Variants in FARS2 observed in about 807,000 individuals in gnomAD.
FARS2 encodes the protein phenylalanine--tRNA ligase, mitochondrial.
Under a neutral mutation model 46.4 loss-of-function variants are expected in FARS2, and 40 were observed. The ratio of observed to expected loss-of-function variants is 0.86; its 90% CI spans 0.67 to 1.12. The LOEUF (loss-of-function observed/expected upper bound fraction) is 1.12, where lower values mean the gene tolerates loss of function less well. FARS2 is among the 50% of genes most tolerant of loss of function. FARS2 has a pLI of 0.00. For synonymous variants in FARS2, 234 were observed against 214.9 expected (o/e 1.09, Z -0.78); for missense variants, 513 against 567.9 (o/e 0.90, Z 0.98).
rs150321702 is a variant in FARS2 at position 5,571,122 on chromosome 6, C to T, written c.1065+25782C>T. On this transcript the variant is annotated intron_variant, in intron 5 of 6. Coordinates refer to ENST00000274680, the MANE Select transcript of FARS2 (RefSeq NM_006567.5). ...CATCTATTAAAGGCAAATATGCAGCCGTTAGTATGTAAATGGAACTTGCAT... is the reference window on the plus strand; with the variant it reads ...CATCTATTAAAGGCAAATATGCAGCTGTTAGTATGTAAATGGAACTTGCAT... 6.8e-3 allele frequency among the ~76,000 whole-genome samples: 1,033 copies of T among 152,236 alleles called. 11 individuals are homozygous for T. The highest frequency in any genetic ancestry group is 0.024 in the African/African-American group (997 of 41,558).
intron 1 of FARS2, among the ~76,000 whole-genome samples, chr6:5,360,352 A>G (rs1207779240): frequency 2.0e-5 from 3 of 152,168 alleles, no homozygotes; most frequent in Admixed American, 1.3e-4. Context: ...GTGCCTGACC[A>G]TCTTATAGAA....
At chr6:5,564,508 A>C (rs1772211433) in intron 5 of FARS2, among the ~76,000 whole-genome samples, 1 of 152,232 alleles carries the variant, frequency 6.6e-6, no homozygotes, top group South Asian at 2.1e-4. Context: ...AAAAAGCTTA[A>C]AAACAATGAA....
intron 4 of FARS2, among the ~76,000 whole-genome samples, chr6:5,442,414 TAC>T (rs140280522): frequency 0.015 from 2,197 of 150,298 alleles, 64 homozygotes; most frequent in African/African-American, 0.05. Context: ...TATATATATA[TAC>T]ACACACACAC....
At chr6:5,658,921 G>C (rs1582689168) in intron 6 of FARS2, among the ~76,000 whole-genome samples, 1 of 152,262 alleles carries the variant, frequency 6.6e-6, no homozygotes, top group East Asian at 1.9e-4. Context: ...TTGAATTACT[G>C]TCTCCTTAGC....
At chr6:5,571,847 A>C (rs1582476232) in intron 5 of FARS2, among the ~76,000 whole-genome samples, 4 of 146,262 alleles carry the variant, frequency 2.7e-5, no homozygotes, top group African/African-American at 7.7e-5. Flanking sequence ...CTCCCTCTTT[A>C]CCCCCATCTG....
intron 6 of FARS2, among the ~76,000 whole-genome samples, chr6:5,725,620 A>G (rs989088056): frequency 2.0e-5 from 3 of 152,202 alleles, no homozygotes; most frequent in African/African-American, 7.2e-5. Context: ...AGCTTTGCCT[A>G]GCTGTGGAAA....
chr6:5,322,935 G>C (rs1387422838), intron 1 of FARS2, among the ~76,000 whole-genome samples: 3 of 152,134 alleles, frequency 2.0e-5, no homozygotes, highest in Non-Finnish European at 4.4e-5. Context: ...GGATTCTTCT[G>C]ATTAGTTTCA....
At chr6:5,709,552 A>G (rs1013729941) in intron 6 of FARS2, among the ~76,000 whole-genome samples, 4 of 152,242 alleles carry the variant, frequency 2.6e-5, no homozygotes, top group Middle Eastern at 3.4e-3. Flanking sequence ...TAAAAAAAAA[A>G]TGGTTTGCAC....
At chr6:5,748,796 T>C (rs1424162859) in intron 6 of FARS2, among the ~76,000 whole-genome samples, 3 of 152,236 alleles carry the variant, frequency 2.0e-5, no homozygotes, top group African/African-American at 7.2e-5. Context: ...TGTGGGCGAA[T>C]GCTGTGGATG....
intron 1 of FARS2, among the ~76,000 whole-genome samples, chr6:5,298,287 C>T (rs999698907): frequency 6.6e-6 from 1 of 152,148 alleles, no homozygotes; most frequent in Non-Finnish European, 1.5e-5. Flanking sequence ...AAAATACAGA[C>T]TTAGTGGCTT....
chr6:5,331,255 A>G (rs1286182891), intron 1 of FARS2, among the ~76,000 whole-genome samples: 1 of 151,710 alleles, frequency 6.6e-6, no homozygotes, highest in Non-Finnish European at 1.5e-5. Flanking sequence ...GGCCTTTTTC[A>G]TTTTAATGTT....
At chr6:5,721,934 G>A (rs867899154) in intron 6 of FARS2, among the ~76,000 whole-genome samples, 17 of 152,176 alleles carry the variant, frequency 1.1e-4, no homozygotes, top group Non-Finnish European at 2.5e-4. Flanking sequence ...CGTGTACCAC[G>A]GGTTCTCTGT....
At chr6:5,371,951 G>A (rs1759090525) in intron 2 of FARS2, among the ~76,000 whole-genome samples, 1 of 151,784 alleles carries the variant, frequency 6.6e-6, no homozygotes, top group Admixed American at 6.6e-5. Context: ...CACACCAAAG[G>A]GTGAAAATAA....
At position 5,580,786 on chromosome 6, in the gene FARS2, T is replaced by G. The variant is rs1172921526; in HGVS notation, c.1066-32383T>G. On this transcript the variant is annotated intron_variant, in intron 5 of 6. Coordinates refer to ENST00000274680, the MANE Select transcript of FARS2 (RefSeq NM_006567.5). Reference sequence around the variant, plus strand: ...CAGGGAAAGGCAGCACCCTTCCCAGTCCAGGCAGCCCTCTTCACGTCCACA... The same window carrying G: ...CAGGGAAAGGCAGCACCCTTCCCAGGCCAGGCAGCCCTCTTCACGTCCACA... Among the ~76,000 whole-genome samples the G allele has an allele frequency of 2.6e-5, 4 of 152,188 alleles. No individual in the cohort carries two copies. In the East Asian group the frequency reaches 7.7e-4, roughly 29 times the overall value.
At chr6:5,555,083 G>A (rs948949481) in intron 5 of FARS2, among the ~76,000 whole-genome samples, 2 of 152,036 alleles carry the variant, frequency 1.3e-5, no homozygotes, top group Admixed American at 6.5e-5. Context: ...TTTGAATCAC[G>A]GGGGCGGTTT....
intron 1 of FARS2, among the ~76,000 whole-genome samples, chr6:5,313,563 G>T (rs1386969960): frequency 6.6e-6 from 1 of 152,092 alleles, no homozygotes; most frequent in African/African-American, 2.4e-5. Context: ...TTTTATTAGG[G>T]AATTTTTTTA....
intron 2 of FARS2, among the ~76,000 whole-genome samples, chr6:5,393,808 A>G (rs1760731583): frequency 1.3e-5 from 2 of 152,212 alleles, no homozygotes; most frequent in African/African-American, 4.8e-5. Flanking sequence ...TCCTTGCGTG[A>G]GGATGGAGAA....
intron 6 of FARS2, among the ~76,000 whole-genome samples, chr6:5,658,585 A>G (rs775755029): frequency 2.0e-5 from 3 of 152,240 alleles, no homozygotes; most frequent in Non-Finnish European, 1.5e-5. Flanking sequence ...AGAAATGTAT[A>G]TGGCACAGCA....
At chr6:5,545,059 C>G in intron 4 of FARS2, 121 bp from the exon 5 acceptor site, 40 of 860,850 alleles carry the variant, frequency 4.6e-5, no homozygotes, top group Non-Finnish European at 7.4e-6. Context: ...GTAGCGGCTG[C>G]CCAGTGCCTT....
Sources: allele counts gnomAD v4.1 joint callset (sites outside exome capture counted in the v4.1 genomes callset), GRCh38; gene constraint gnomAD v4.1.1; transcripts MANE v1.5; gene names NCBI Gene and HGNC (gene_info 2026-07-23, HGNC 2026-07-21).